The following PRKD1 variants were observed in gnomAD, a reference collection of about 807,000 sequenced individuals.
PRKD1 encodes the protein serine/threonine-protein kinase D1.
PRKD1 carries 63 observed loss-of-function variants against 95.9 expected under a neutral mutation model. That is an observed-to-expected ratio of 0.66 (90% CI 0.54 to 0.81). The LOEUF (loss-of-function observed/expected upper bound fraction) is 0.81, where lower values mean the gene tolerates loss of function less well. PRKD1 is among the 30% of genes least tolerant of loss of function. PRKD1 has a pLI of 0.00. For synonymous variants in PRKD1, 425 were observed against 423.1 expected (o/e 1.00, Z -0.05); for missense variants, 1,048 against 1,165.3 (o/e 0.90, Z 1.47).
intron 4 of PRKD1, among the ~76,000 whole-genome samples, chr14:29,654,962 C>T (rs890497970): frequency 4.6e-5 from 7 of 152,174 alleles, no homozygotes; most frequent in South Asian, 2.1e-4. Flanking sequence ...CAGCTCATGC[C>T]GAAAACACAT....
chr14:29,912,126 T>C (rs556575445), intron 1 of PRKD1, among the ~76,000 whole-genome samples: 23 of 152,192 alleles, frequency 1.5e-4, no homozygotes, highest in Non-Finnish European at 2.6e-4. Flanking sequence ...TAAGGTCTTA[T>C]GCGATTGGAC....
At chr14:29,683,980 C>G (rs1341249871) in intron 2 of PRKD1, among the ~76,000 whole-genome samples, 1 of 152,122 alleles carries the variant, frequency 6.6e-6, no homozygotes, top group Admixed American at 6.5e-5. Flanking sequence ...TCACAATTAA[C>G]AACAATTAAC....
intron 1 of PRKD1, among the ~76,000 whole-genome samples, chr14:29,850,274 T>C (rs1227039385): frequency 6.6e-6 from 1 of 152,186 alleles, no homozygotes; most frequent in African/African-American, 2.4e-5. Flanking sequence ...ATTATCTCTT[T>C]GCTAATGATA....
chr14:29,804,459 T>C (rs45626945), intron 1 of PRKD1, among the ~76,000 whole-genome samples: 2 of 152,214 alleles, frequency 1.3e-5, no homozygotes, highest in African/African-American at 4.8e-5. Context: ...GTCTTCTTTT[T>C]CCAGAATCTT....
In PRKD1 at chr14:29,596,015, T is replaced by C. The variant is rs533808598; in HGVS notation, c.2434+1476A>G. Among the ~76,000 whole-genome samples the C allele has an allele frequency of 1.6e-4, 24 of 152,334 alleles. No homozygotes were observed. The East Asian group carries it at 4.4e-3, about 28-fold the overall frequency. ...TCTTTGTTGAATTATGAAAAATATTTAATTATTCCTTTGGCACACATGATA... is the reference window on the plus strand; with the variant it reads ...TCTTTGTTGAATTATGAAAAATATTCAATTATTCCTTTGGCACACATGATA... On this transcript the variant is annotated intron_variant, in intron 16 of 17. Transcript: ENST00000331968.
At chr14:29,740,751 G>T (rs960546426) in intron 1 of PRKD1, among the ~76,000 whole-genome samples, 8 of 152,152 alleles carry the variant, frequency 5.3e-5, no homozygotes, top group Non-Finnish European at 1.0e-4. Flanking sequence ...CCATTACTGG[G>T]TATATGCCTA....
intron 1 of PRKD1, among the ~76,000 whole-genome samples, chr14:29,776,671 C>T (rs1044836503): frequency 1.3e-4 from 20 of 152,236 alleles, no homozygotes; most frequent in Admixed American, 8.5e-4. Context: ...GATCTGATTG[C>T]TGTACCTGAA....
chr14:29,913,026 G>A (rs1894774277), intron 1 of PRKD1, among the ~76,000 whole-genome samples: 1 of 152,234 alleles, frequency 6.6e-6, no homozygotes, highest in Non-Finnish European at 1.5e-5. Context: ...TTGAAAAAGA[G>A]CATTGAAACT....
In PRKD1 at chr14:29,576,860, A is replaced by G; in HGVS notation, c.*378T>C. On this transcript the variant is annotated 3_prime_UTR_variant, in exon 18 of 18. Transcript: ENST00000331968. ...TCAAGAGTTTGTTTACAATGACAACACCAATGGGACACACCAAACAGAACT... is the reference window on the plus strand; with the variant it reads ...TCAAGAGTTTGTTTACAATGACAACGCCAATGGGACACACCAAACAGAACT... 1 of 247,664 alleles carries G rather than the reference A, an allele frequency of 4.0e-6. No individual in the cohort carries two copies. The highest frequency in any genetic ancestry group is 8.0e-6 in the Non-Finnish European group (1 of 124,366). The allele number at this position is 247,664 out of a possible 1,614,324, so 15.3% of individuals were successfully genotyped here. A position where few individuals can be genotyped will look rare whatever the true frequency, so the allele number is the denominator to read the frequency against.
At chr14:29,715,740 C>G (rs1463090497) in intron 2 of PRKD1, among the ~76,000 whole-genome samples, 2 of 152,110 alleles carry the variant, frequency 1.3e-5, no homozygotes, top group African/African-American at 4.8e-5. Context: ...CTGTAATTGC[C>G]TAAAACATTT....
intron 2 of PRKD1, among the ~76,000 whole-genome samples, chr14:29,693,840 C>T (rs964593681): frequency 1.3e-5 from 2 of 152,076 alleles, no homozygotes; most frequent in Non-Finnish European, 2.9e-5. Flanking sequence ...CTGCAATAGG[C>T]AATTTATTTG....
intron 1 of PRKD1, among the ~76,000 whole-genome samples, chr14:29,872,365 T>C (rs973910560): frequency 6.6e-6 from 1 of 152,232 alleles, no homozygotes; most frequent in African/African-American, 2.4e-5. Context: ...GACTCAAAAG[T>C]CACTTAAAAT....
chr14:29,827,697 A>G (rs918699234), intron 1 of PRKD1, among the ~76,000 whole-genome samples: 3 of 152,322 alleles, frequency 2.0e-5, no homozygotes, highest in East Asian at 3.9e-4. Flanking sequence ...CAGCCTAACC[A>G]TAAGAAAAGT....
chr14:29,622,804 T>A (rs781486438), intron 13 of PRKD1, among the ~76,000 whole-genome samples: 3 of 152,152 alleles, frequency 2.0e-5, no homozygotes, highest in Non-Finnish European at 4.4e-5. Context: ...AGAACCCCAA[T>A]ATCTAGTCAG....
At chr14:29,624,545 A>G (rs1232639280) in intron 12 of PRKD1, among the ~76,000 whole-genome samples, 1 of 152,144 alleles carries the variant, frequency 6.6e-6, no homozygotes, top group African/African-American at 2.4e-5. Flanking sequence ...TTAGAAACAG[A>G]ATATTGAGTT....
chr14:29,689,628 T>C (rs1034565394), intron 2 of PRKD1, among the ~76,000 whole-genome samples: 2 of 152,202 alleles, frequency 1.3e-5, no homozygotes, highest in Non-Finnish European at 2.9e-5. Flanking sequence ...ACAGGGTATA[T>C]ACCCAAAGGA....
In PRKD1 at chr14:29,663,806, T is replaced by A. The variant is rs772694415; in HGVS notation, c.589A>T (p.Ser197Cys). Reference sequence around the variant, plus strand: ...GAGAGCCTTCTCCGCCTCACACCGCTGCAATTGTTGGGTATTTTAAATGCA... The same window carrying A: ...GAGAGCCTTCTCCGCCTCACACCGCAGCAATTGTTGGGTATTTTAAATGCA... The part of the protein sequence containing the change: ...RCAFKIPNNC[S>C]GVRRRRLSNV... The change falls in exon 4 of 18, where the codon AGC becomes TGC. Residue 197 changes from serine (S) to cysteine (C), a missense_variant. Transcript: ENST00000331968. The A allele has an allele frequency of 5.6e-6, 9 of 1,614,064 alleles. No individual in the cohort carries two copies. Among genetic ancestry groups the A allele is most frequent in the Non-Finnish European group, 3.4e-6 (4 of 1,179,952 alleles).
rs184022587 is a variant in PRKD1 at position 29,634,625 on chromosome 14, A to C, written c.1191-84T>G. The C allele has an allele frequency of 3.2e-6, 5 of 1,538,932 alleles. No homozygotes were observed. The African/African-American group carries it at 4.1e-5, about 13-fold the overall frequency. ...CATGCATAAAACCTTATGTCAGCTA[A>C]TCCAAGTGAAACTTTACAAAATTCA... On this transcript the variant is annotated intron_variant, in intron 7 of 17. Transcript: ENST00000331968.
intron 1 of PRKD1, among the ~76,000 whole-genome samples, chr14:29,847,844 C>G (rs78120303): frequency 6.6e-6 from 1 of 152,220 alleles, no homozygotes; most frequent in Non-Finnish European, 1.5e-5. Context: ...AGCATACACA[C>G]ACATGCATGC....
Sources: allele counts gnomAD v4.1 joint callset (sites outside exome capture counted in the v4.1 genomes callset), GRCh38; gene constraint gnomAD v4.1.1; transcripts MANE v1.5; gene names NCBI Gene and HGNC (gene_info 2026-07-23, HGNC 2026-07-21).